The following CCBE1 variants were observed in gnomAD, a reference collection of about 807,000 sequenced individuals.
CCBE1 encodes collagen and calcium binding EGF domains 1.
Under a neutral mutation model 50.0 loss-of-function variants are expected in CCBE1, and 37 were observed. The ratio of observed to expected loss-of-function variants is 0.74; its 90% confidence interval spans 0.57 to 0.97. The LOEUF (loss-of-function observed/expected upper bound fraction) is 0.97. CCBE1 is among the 50% of genes least tolerant of loss of function. The probability of loss-of-function intolerance (pLI) is 0.00; values close to 1 mark genes in which losing one functional copy is unlikely to be tolerated. For synonymous variants in CCBE1, 234 were observed against 203.7 expected (o/e 1.15, Z -1.27); for missense variants, 538 against 523.8 (o/e 1.03, Z -0.26).
At chr18:59,619,127 T>C (rs2053677834) in intron 2 of CCBE1, among the ~76,000 whole-genome samples, 1 of 152,242 alleles carries the variant, frequency 6.6e-6, no homozygotes, top group Non-Finnish European at 1.5e-5. Context: ...TTCAAAAGCA[T>C]AAATGATTCA....
At chr18:59,676,864 G>A (rs960526914) in intron 2 of CCBE1, among the ~76,000 whole-genome samples, 2 of 152,152 alleles carry the variant, frequency 1.3e-5, no homozygotes, top group Non-Finnish European at 2.9e-5. Flanking sequence ...TTTAAGTGGG[G>A]GGAAGACCTT....
chr18:59,532,593 A>G (rs1160444406), intron 2 of CCBE1, among the ~76,000 whole-genome samples: 3 of 152,164 alleles, frequency 2.0e-5, no homozygotes, highest in Non-Finnish European at 4.4e-5. Context: ...CCATTTTCTC[A>G]TATGTTGTCC....
intron 2 of CCBE1, among the ~76,000 whole-genome samples, chr18:59,679,726 G>A (rs1444249096): frequency 6.6e-6 from 1 of 152,194 alleles, no homozygotes; most frequent in East Asian, 1.9e-4. Flanking sequence ...TAAGGTTGAG[G>A]ATGCGCGTCC....
chr18:59,649,629 T>C (rs2054101556), intron 2 of CCBE1, among the ~76,000 whole-genome samples: 1 of 152,244 alleles, frequency 6.6e-6, no homozygotes, highest in African/African-American at 2.4e-5. Context: ...TGGATTCCCA[T>C]TCCTCATTCT....
At chr18:59,486,956 A>G (rs1488616564) in intron 2 of CCBE1, among the ~76,000 whole-genome samples, 1 of 151,870 alleles carries the variant, frequency 6.6e-6, no homozygotes, top group Non-Finnish European at 1.5e-5. Flanking sequence ...AGCATATCCA[A>G]GAAACTCCAG....
chr18:59,503,826 CACAT>C (rs1352884961), intron 2 of CCBE1, among the ~76,000 whole-genome samples: 1 of 152,232 alleles, frequency 6.6e-6, no homozygotes, highest in Non-Finnish European at 1.5e-5. Context: ...ATGACCCAGT[CACAT>C]ACCAAATGTC....
At chr18:59,549,084 C>T (rs1205172462) in intron 2 of CCBE1, among the ~76,000 whole-genome samples, 3 of 103,154 alleles carry the variant, frequency 2.9e-5, no homozygotes, top group African/African-American at 3.9e-5. Flanking sequence ...GCCTGGGCAA[C>T]AGAATAAGAC....
At chr18:59,579,177 T>C (rs894702626) in intron 2 of CCBE1, among the ~76,000 whole-genome samples, 2 of 152,168 alleles carry the variant, frequency 1.3e-5, no homozygotes, top group African/African-American at 4.8e-5. Context: ...TTATCTTTTT[T>C]GACAACTACT....
rs1385458843 is a variant in CCBE1, at chr18:59,579,907, G to GA, written c.213-99670dup. The stretch of plus-strand genomic sequence containing the variant: ...GAACAACTGCTGCTGCTGAGCACAT[G>GA]AAAAAAAAGATGCCTCTGGGATCTG... On this transcript the variant is annotated intron_variant, in intron 2 of 10. Transcript: ENST00000439986. Among the ~76,000 whole-genome samples, 4 of 151,990 alleles carry GA rather than the reference G, an allele frequency of 2.6e-5. No homozygotes were observed. The East Asian group carries it at 5.8e-4, about 22-fold the overall frequency.
intron 2 of CCBE1, among the ~76,000 whole-genome samples, chr18:59,646,179 T>A (rs1237591984): frequency 6.6e-6 from 1 of 152,216 alleles, no homozygotes; most frequent in Admixed American, 6.5e-5. Flanking sequence ...TGAAGTTGCA[T>A]GTGAGTCCAC....
At chr18:59,526,969 A>C (rs1320951766) in intron 2 of CCBE1, among the ~76,000 whole-genome samples, 1 of 152,234 alleles carries the variant, frequency 6.6e-6, no homozygotes, top group African/African-American at 2.4e-5. Flanking sequence ...TGGTGCTAAG[A>C]AGAATGCATA....
At position 59,546,378 on chromosome 18, in the gene CCBE1, G is replaced by A. The variant is rs183550867; in HGVS notation, c.213-66140C>T. ...ACCTCCTACATTGGCTCTGGGCTTGGCCATGTAACTTCTTTCTGGTCAACA... is the reference window on the plus strand; with the variant it reads ...ACCTCCTACATTGGCTCTGGGCTTGACCATGTAACTTCTTTCTGGTCAACA... On this transcript the variant is annotated intron_variant, in intron 2 of 10. Transcript: ENST00000439986. Among the ~76,000 whole-genome samples the A allele has an allele frequency of 6.4e-3, 971 of 152,238 alleles. 14 individuals carry two copies. Among genetic ancestry groups the A allele is most frequent in the South Asian group, 0.01 (50 of 4,822 alleles).
chr18:59,604,895 T>A (rs1195371702), intron 2 of CCBE1, among the ~76,000 whole-genome samples: 2 of 152,216 alleles, frequency 1.3e-5, no homozygotes, highest in Non-Finnish European at 2.9e-5. Flanking sequence ...ATAGGTAGGG[T>A]CAAAATGGGG....
intron 2 of CCBE1, among the ~76,000 whole-genome samples, chr18:59,538,684 G>A (rs1189420988): frequency 6.6e-6 from 1 of 152,198 alleles, no homozygotes; most frequent in Non-Finnish European, 1.5e-5. Flanking sequence ...AAATGCTGGT[G>A]ACATTTATAG....
intron 2 of CCBE1, among the ~76,000 whole-genome samples, chr18:59,524,422 A>T (rs1914733349): frequency 1.3e-5 from 2 of 152,216 alleles, no homozygotes; most frequent in Admixed American, 1.3e-4. Flanking sequence ...ATTTTAATTT[A>T]TTGTAATAAA....
At chr18:59,483,489 A>C (rs901488773) in intron 2 of CCBE1, among the ~76,000 whole-genome samples, 1 of 152,196 alleles carries the variant, frequency 6.6e-6, no homozygotes. Flanking sequence ...GGGATGCTCA[A>C]CCTGTATTGG....
At chr18:59,591,961 G>C (rs1352457771) in intron 2 of CCBE1, among the ~76,000 whole-genome samples, 1 of 152,190 alleles carries the variant, frequency 6.6e-6, no homozygotes, top group Admixed American at 6.5e-5. Context: ...AAAACTTTGA[G>C]CATTGACATG....
chr18:59,540,850 A>T (rs1318276264), intron 2 of CCBE1, among the ~76,000 whole-genome samples: 2 of 152,236 alleles, frequency 1.3e-5, no homozygotes, highest in East Asian at 1.9e-4. Context: ...TTTACAGAAG[A>T]AGTTCATCAA....
At chr18:59,465,543 C>T (rs1297010022) in intron 5 of CCBE1, 1 of 152,192 alleles carries the variant, frequency 6.6e-6, no homozygotes, top group African/African-American at 2.4e-5. Flanking sequence ...AGAAATTTTC[C>T]AACTGCCTGT....
Sources: gnomAD v4.1 joint callset for allele counts (sites outside exome capture counted in the v4.1 genomes callset) on GRCh38, gnomAD v4.1.1 for gene constraint, MANE v1.5 for transcripts, NCBI Gene and HGNC (gene_info 2026-07-23, HGNC 2026-07-21) for gene names.